Variants in PDGFC observed in about 807,000 individuals in gnomAD.
PDGFC encodes platelet derived growth factor C.
PDGFC carries 12 observed loss-of-function variants against 35.5 expected under a neutral mutation model. That is an observed-to-expected ratio of 0.34 (90% CI 0.22 to 0.55). PDGFC has a LOEUF of 0.55. PDGFC is among the 20% of genes least tolerant of loss of function. The pLI is 0.91. For synonymous variants in PDGFC, 159 were observed against 148.8 expected (o/e 1.07, Z -0.50); for missense variants, 322 against 412.4 (o/e 0.78, Z 1.90).
At chr4:156,849,192 C>T (rs1459543214) in intron 2 of PDGFC, among the ~76,000 whole-genome samples, 1 of 151,996 alleles carries the variant, frequency 6.6e-6, no homozygotes, top group African/African-American at 2.4e-5. Flanking sequence ...CTTTACTCCT[C>T]TGGTAGTCTT....
intron 3 of PDGFC, among the ~76,000 whole-genome samples, chr4:156,804,341 T>C (rs567632921): frequency 6.6e-6 from 1 of 152,164 alleles, no homozygotes; most frequent in African/African-American, 2.4e-5. Flanking sequence ...TAATTGAGTA[T>C]CACCCCAGAC....
intron 1 of PDGFC, among the ~76,000 whole-genome samples, chr4:156,958,020 T>A (rs984533252): frequency 9.2e-5 from 14 of 152,024 alleles, no homozygotes; most frequent in African/African-American, 3.4e-4. Flanking sequence ...TAACAACTTT[T>A]CTCAGCCTTT....
At chr4:156,821,220 TGA>T (rs1232296736) in intron 2 of PDGFC, among the ~76,000 whole-genome samples, 7 of 151,490 alleles carry the variant, frequency 4.6e-5, no homozygotes, top group Admixed American at 2.6e-4. Context: ...TGAATGTGTG[TGA>T]GAGAGTGTGA....
rs879026361 is a variant in PDGFC at position 156,762,625 on chromosome 4, CA to C, written c.*464del. 10,545 of 103,304 alleles carry C rather than the reference CA, an allele frequency of 0.1. 954 individuals are homozygous for C. The highest frequency in any genetic ancestry group is 0.29 in the African/African-American group (8,957 of 31,020). 6.4% of individuals were successfully genotyped at this position (103,304 alleles called of 1,614,324 possible). A position where few individuals can be genotyped will look rare whatever the true frequency, so the allele number is the denominator to read the frequency against. On this transcript the variant is annotated 3_prime_UTR_variant, in exon 6 of 6. Coordinates refer to ENST00000502773, the MANE Select transcript of PDGFC (RefSeq NM_016205.3). ...TCTGGTTTACATATGTGAATATGAG[CA>C]AAAAAAAAAAAAAAAATCCAGATTT...
Position 156,857,026 on chromosome 4 carries a change from T to C in PDGFC, c.119-6610A>G, listed in dbSNP as rs138820789. Among the ~76,000 whole-genome samples the C allele has an allele frequency of 2.2e-3, 338 of 151,888 alleles. 1 individual carries two copies. Among genetic ancestry groups the C allele is most frequent in the African/African-American group, 7.9e-3 (326 of 41,480 alleles). ...ATTTTATCTAAACTGTAAAATATGA[T>C]CTATTTGATAATAAAATCTGTTATT... On this transcript the variant is annotated intron_variant, in intron 1 of 5. Transcript: ENST00000502773.
intron 1 of PDGFC, among the ~76,000 whole-genome samples, chr4:156,911,004 T>C (rs747297493): frequency 5.3e-5 from 8 of 152,170 alleles, no homozygotes; most frequent in Admixed American, 1.3e-4. Flanking sequence ...CGTCCTTTCA[T>C]CCTCTTAACG....
chr4:156,766,728 C>G (rs1180379798), intron 5 of PDGFC, among the ~76,000 whole-genome samples: 1 of 152,004 alleles, frequency 6.6e-6, no homozygotes, highest in Non-Finnish European at 1.5e-5. Context: ...GTAACCTAAA[C>G]ATGCATGGTT....
chr4:156,821,953 C>T (rs946564023), intron 2 of PDGFC, among the ~76,000 whole-genome samples: 8 of 152,120 alleles, frequency 5.3e-5, no homozygotes, highest in African/African-American at 1.9e-4. Context: ...CTTTTATAAT[C>T]TATCTGGAAC....
At chr4:156,827,844 T>C (rs2111010422) in intron 2 of PDGFC, among the ~76,000 whole-genome samples, 1 of 152,294 alleles carries the variant, frequency 6.6e-6, no homozygotes, top group Admixed American at 6.5e-5. Context: ...ATCCAATCCA[T>C]GGCAACCAAC....
intron 1 of PDGFC, among the ~76,000 whole-genome samples, chr4:156,922,075 T>A (rs1731295868): frequency 6.6e-6 from 1 of 151,888 alleles, no homozygotes; most frequent in Non-Finnish European, 1.5e-5. Context: ...ATCATTACAA[T>A]GAGGGATATT....
At chr4:156,880,408 G>T (rs1730213825) in intron 1 of PDGFC, among the ~76,000 whole-genome samples, 1 of 151,648 alleles carries the variant, frequency 6.6e-6, no homozygotes, top group Non-Finnish European at 1.5e-5. Context: ...TTACAGCATG[G>T]TTTACTGAAG....
At chr4:156,784,995 A>G (rs1399393282) in intron 3 of PDGFC, among the ~76,000 whole-genome samples, 2 of 152,246 alleles carry the variant, frequency 1.3e-5, no homozygotes, top group South Asian at 2.1e-4. Flanking sequence ...GAAGGCTGTT[A>G]AATAAATGAT....
At chr4:156,915,929 TC>T (rs2110822824) in intron 1 of PDGFC, among the ~76,000 whole-genome samples, 1 of 152,254 alleles carries the variant, frequency 6.6e-6, no homozygotes, top group Non-Finnish European at 1.5e-5. Context: ...TTCTGTGGGT[TC>T]CTGGGATTAG....
At chr4:156,855,751 T>C (rs1004824366) in intron 1 of PDGFC, among the ~76,000 whole-genome samples, 7 of 152,192 alleles carry the variant, frequency 4.6e-5, no homozygotes, top group Middle Eastern at 3.2e-3. Context: ...GTTGCTAGTT[T>C]GTGGATATAG....
At chr4:156,880,289 A>T (rs569362803) in intron 1 of PDGFC, among the ~76,000 whole-genome samples, 7 of 152,240 alleles carry the variant, frequency 4.6e-5, no homozygotes, top group African/African-American at 1.7e-4. Flanking sequence ...AGTTAAAATC[A>T]ATGCTCATTT....
intron 3 of PDGFC, among the ~76,000 whole-genome samples, chr4:156,808,104 C>T (rs1731821469): frequency 6.6e-6 from 1 of 151,916 alleles, no homozygotes; most frequent in Admixed American, 6.6e-5. Context: ...TGTGAGTCTA[C>T]TGCGTTCCGG....
At chr4:156,968,545 T>C (rs1732518607) in intron 1 of PDGFC, among the ~76,000 whole-genome samples, 1 of 152,154 alleles carries the variant, frequency 6.6e-6, no homozygotes, top group Non-Finnish European at 1.5e-5. Flanking sequence ...GTAACGGTAA[T>C]GGTAGTAGCT....
intron 1 of PDGFC, among the ~76,000 whole-genome samples, chr4:156,947,279 G>C (rs1006111347): frequency 1.3e-5 from 2 of 151,948 alleles, no homozygotes; most frequent in African/African-American, 2.4e-5. Flanking sequence ...CTAGCTGCAG[G>C]TTACACAGAG....
chr4:156,804,652 T>C (rs1579020045), intron 3 of PDGFC, among the ~76,000 whole-genome samples: 3 of 152,046 alleles, frequency 2.0e-5, no homozygotes, highest in East Asian at 3.8e-4. Context: ...AGATATTATA[T>C]ACATCTTTGA....
Sources: allele counts gnomAD v4.1 joint callset (sites outside exome capture counted in the v4.1 genomes callset), GRCh38; gene constraint gnomAD v4.1.1; transcripts MANE v1.5; gene names NCBI Gene and HGNC (gene_info 2026-07-23, HGNC 2026-07-21).